ISCA1: variants seen among roughly 807,000 people sequenced by gnomAD.
ISCA1 encodes iron-sulfur cluster assembly 1.
A neutral mutation model predicts 14.7 loss-of-function variants in ISCA1; 9 were observed. The observed-to-expected ratio is 0.61, with a 90% CI of 0.37 to 1.07. The LOEUF (loss-of-function observed/expected upper bound fraction) is 1.07. Ranked by LOEUF, ISCA1 falls within the 50% of genes least tolerant of loss-of-function variation. The pLI, the probability that ISCA1 is intolerant of heterozygous loss-of-function variation, is 0.01. For missense variants in ISCA1, 102 were observed against 150.1 expected, an observed-to-expected ratio of 0.68 and a Z score of 1.67; for synonymous variants, 38 against 54.3, an observed-to-expected ratio of 0.70 and a Z score of 1.32.
Position 86,265,119 on chromosome 9 carries a change from A to G in ISCA1, c.*924T>C, listed in dbSNP as rs1178590768. Reference sequence around the variant, plus strand: ...TAAAATTCTTCCCACTCAAAATAAAATAAAAATAATATAATCTCTATCAAA... The same window carrying G: ...TAAAATTCTTCCCACTCAAAATAAAGTAAAAATAATATAATCTCTATCAAA... On this transcript the variant is annotated 3_prime_UTR_variant, in exon 4 of 4. Transcript: ENST00000375991. The G allele has an allele frequency of 6.6e-6, 1 of 152,258 alleles. No individual in the cohort carries two copies. Among genetic ancestry groups the G allele is most frequent in the Non-Finnish European group, 1.5e-5 (1 of 68,042 alleles). The allele number at this position is 152,258 out of a possible 1,614,324, so 9.4% of individuals were successfully genotyped here. A position where few individuals can be genotyped will look rare whatever the true frequency, so the allele number is the denominator to read the frequency against.
intron 3 of ISCA1, among the ~76,000 whole-genome samples, chr9:86,271,605 C>T (rs929669616): frequency 2.0e-5 from 3 of 152,200 alleles, no homozygotes; most frequent in African/African-American, 7.2e-5. Flanking sequence ...ACTGCTTACA[C>T]AAAAACTGTT....
intron 2 of ISCA1, 143 bp downstream of exon 2, chr9:86,274,046 A>T: frequency 1.7e-6 from 1 of 574,344 alleles, no homozygotes; most frequent in East Asian, 2.9e-5. Context: ...CTTTTGTATT[A>T]TTTGAATTTT....
Position 86,265,244 on chromosome 9 carries a change from G to C in ISCA1, c.*799C>G, listed in dbSNP as rs544893594. Reference sequence around the variant, plus strand: ...GGCAGAGCATGTGTCACCTACAAGGGGAGAGGGGGGTAGAGTCCCTACTCT... The same window carrying C: ...GGCAGAGCATGTGTCACCTACAAGGCGAGAGGGGGGTAGAGTCCCTACTCT... On this transcript the variant is annotated 3_prime_UTR_variant, in exon 4 of 4. Transcript: ENST00000375991. 3 of 152,312 alleles carry C rather than the reference G, an allele frequency of 2.0e-5. No individual in the cohort carries two copies. In the East Asian group the frequency reaches 5.8e-4, roughly 29 times the overall value. The allele number at this position is 152,312 out of a possible 1,614,324, so 9.4% of individuals were successfully genotyped here.
intron 1 of ISCA1, among the ~76,000 whole-genome samples, chr9:86,276,921 G>A (rs1370708377): frequency 4.1e-5 from 6 of 147,086 alleles, no homozygotes; most frequent in South Asian, 2.2e-4. Flanking sequence ...AAATATCCGC[G>A]GGAACTAAAA....
chr9:86,282,475 C>T lies in ISCA1; in HGVS notation c.-17G>A, dbSNP rs757406704. The T allele has an allele frequency of 6.4e-6, 10 of 1,550,992 alleles. No individual in the cohort carries two copies. Among genetic ancestry groups the T allele is most frequent in the Middle Eastern group, 1.7e-4 (1 of 5,982 alleles). ...AGCCGACATCTTCGCCGTCCCGGCG[C>T]CCCGGTGCCTCGGGCCGAAGGTCGG... On this transcript the variant is annotated 5_prime_UTR_variant, in exon 1 of 4. Coordinates refer to ENST00000375991, the MANE Select transcript of ISCA1 (RefSeq NM_030940.4).
chr9:86,281,451 T>C (rs1381835610), intron 1 of ISCA1, among the ~76,000 whole-genome samples: 1 of 152,196 alleles, frequency 6.6e-6, no homozygotes, highest in Non-Finnish European at 1.5e-5. Context: ...GTCGTCTCCT[T>C]CACTAAAAGG....
chr9:86,267,100 C>T (rs971146630), intron 3 of ISCA1: 3 of 153,758 alleles, frequency 2.0e-5, no homozygotes, highest in African/African-American at 7.2e-5. Context: ...TGGTGGGCAC[C>T]TGTAGTCCCA....
At chr9:86,276,116 C>T (rs1001018904) in intron 1 of ISCA1, among the ~76,000 whole-genome samples, 6 of 151,752 alleles carry the variant, frequency 4.0e-5, no homozygotes, top group African/African-American at 1.5e-4. Context: ...TCAGTGGGAG[C>T]CCTGAGCTTG....
At chr9:86,276,943 G>A (rs1825445729) in intron 1 of ISCA1, among the ~76,000 whole-genome samples, 1 of 150,642 alleles carries the variant, frequency 6.6e-6, no homozygotes, top group South Asian at 2.1e-4. Flanking sequence ...CTGAAACGTG[G>A]TCTTGGTTTA....
intron 3 of ISCA1, among the ~76,000 whole-genome samples, chr9:86,269,299 GACAA>G (rs1190143284): frequency 5.3e-5 from 8 of 152,272 alleles, no homozygotes; most frequent in Admixed American, 5.2e-4. Flanking sequence ...ACCAATAACA[GACAA>G]ACAGAGAGTC....
intron 1 of ISCA1, 167 bp downstream of exon 1, chr9:86,282,211 G>A (rs1001973624): frequency 1.4e-6 from 1 of 689,736 alleles, no homozygotes; most frequent in African/African-American, 1.9e-5. Context: ...GTTGCAAAGA[G>A]GGGCCGGAGG....
At chr9:86,267,489 A>T in intron 3 of ISCA1, 1 of 975,190 alleles carries the variant, frequency 1.0e-6, no homozygotes, top group Non-Finnish European at 1.2e-6. Flanking sequence ...CTAAGTGCAT[A>T]CTTCCAATGA....
intron 3 of ISCA1, among the ~76,000 whole-genome samples, chr9:86,270,545 G>A (rs1283164473): frequency 6.6e-6 from 1 of 150,986 alleles, no homozygotes; most frequent in African/African-American, 2.4e-5. Context: ...CGATTCCTCA[G>A]GGATCTAGAA....
intron 1 of ISCA1, among the ~76,000 whole-genome samples, chr9:86,274,446 A>G (rs1425416487): frequency 6.6e-6 from 1 of 152,120 alleles, no homozygotes; most frequent in Non-Finnish European, 1.5e-5. Context: ...AAAATCTGCT[A>G]GCAACATCCT....
chr9:86,268,994 C>T (rs1825329453), intron 3 of ISCA1, among the ~76,000 whole-genome samples: 1 of 151,612 alleles, frequency 6.6e-6, no homozygotes, highest in Admixed American at 6.6e-5. Flanking sequence ...TGGGGTTTCA[C>T]CATGTTGGCC....
Position 86,271,988 on chromosome 9 carries a change from ATGTT to A in ISCA1, c.241+15_241+18del. ...TTAGGCAAAACAATGTGCCCAAAAAATGTTTGTTAAAAACTCACCATCTTGAATA... is the reference window on the plus strand; with the variant it reads ...TTAGGCAAAACAATGTGCCCAAAAAATGTTAAAAACTCACCATCTTGAATA... On this transcript the variant is annotated intron_variant, in intron 3 of 3. Transcript: ENST00000375991. 1.4e-6 allele frequency: 2 copies of A among 1,435,336 alleles called. No individual in the cohort carries two copies. The highest frequency in any genetic ancestry group is 2.3e-5 in the East Asian group (1 of 44,010). The allele number at this position is 1,435,336 out of a possible 1,614,324, so 88.9% of individuals were successfully genotyped here.
At chr9:86,274,950 A>G (rs112933299) in intron 1 of ISCA1, among the ~76,000 whole-genome samples, 1 of 152,228 alleles carries the variant, frequency 6.6e-6, no homozygotes, top group African/African-American at 2.4e-5. Context: ...CCTCAAAATG[A>G]GAAAAACATC....
At chr9:86,278,758 T>A (rs933814481) in intron 1 of ISCA1, among the ~76,000 whole-genome samples, 1 of 152,256 alleles carries the variant, frequency 6.6e-6, no homozygotes, top group Non-Finnish European at 1.5e-5. Flanking sequence ...TTTCATTTGA[T>A]ACATGGTAAT....
chr9:86,275,186 G>A (rs1280548387), intron 1 of ISCA1, among the ~76,000 whole-genome samples: 1 of 152,104 alleles, frequency 6.6e-6, no homozygotes, highest in East Asian at 1.9e-4. Context: ...TCAGGACAGT[G>A]CCAGGCACAA....
Sources: gnomAD v4.1 joint callset for allele counts (sites outside exome capture counted in the v4.1 genomes callset) on GRCh38, gnomAD v4.1.1 for gene constraint, MANE v1.5 for transcripts, NCBI Gene and HGNC (gene_info 2026-07-23, HGNC 2026-07-21) for gene names.